The following CTNNAL1 variants were observed in gnomAD, a reference collection of about 807,000 sequenced individuals.
The protein encoded by CTNNAL1 is catenin alpha like 1, also known as alpha-catulin.
In CTNNAL1, 69 loss-of-function variants were observed where a neutral mutation model predicts 93.6. The observed-to-expected ratio is 0.74, with a 90% CI of 0.61 to 0.90. The LOEUF is 0.90. Among genes scored for constraint, CTNNAL1 ranks in the 40% least tolerant of loss-of-function variants. The probability of loss-of-function intolerance (pLI) is 0.00; values close to 1 mark genes in which losing one functional copy is unlikely to be tolerated. For synonymous variants in CTNNAL1, 286 were observed against 305.4 expected, an observed-to-expected ratio of 0.94 and a Z score of 0.66; for missense variants, 836 against 862.0, an observed-to-expected ratio of 0.97 and a Z score of 0.38.
chr9:108,989,756 G>A (rs754916581), intron 4 of CTNNAL1, among the ~76,000 whole-genome samples: 4 of 152,150 alleles, frequency 2.6e-5, no homozygotes, highest in Non-Finnish European at 5.9e-5. Flanking sequence ...AGACCCATAA[G>A]GAACTAATAT....
intron 6 of CTNNAL1, among the ~76,000 whole-genome samples, 153 bp downstream of exon 6, chr9:108,982,992 C>T (rs761209369): frequency 6.6e-6 from 1 of 152,096 alleles, no homozygotes; most frequent in South Asian, 2.1e-4. Context: ...GCACAAGAAT[C>T]GCTTGAACCC....
intron 11 of CTNNAL1, 22 bp from the exon 12 acceptor site, chr9:108,955,849 TA>T (rs764565695): frequency 1.3e-6 from 2 of 1,511,346 alleles, no homozygotes; most frequent in African/African-American, 2.8e-5. Flanking sequence ...ACATATAACT[TA>T]AAAAATTTTT....
intron 8 of CTNNAL1, 31 bp from the exon 9 acceptor site, chr9:108,972,864 G>GGCGCCCCCCCCCCC: frequency 1.4e-5 from 2 of 142,580 alleles, no homozygotes; most frequent in Non-Finnish European, 2.0e-5. Flanking sequence ...GGGGGGGTGG[G>GGCGCCCCCCCCCCC]AGGGTGGAGA....
intron 4 of CTNNAL1, among the ~76,000 whole-genome samples, chr9:108,987,192 A>T (rs1207561072): frequency 1.3e-5 from 2 of 151,948 alleles, no homozygotes; most frequent in African/African-American, 4.8e-5. Context: ...ATCCGTCTTG[A>T]ATTAATTTTT....
At chr9:108,980,293 T>C (rs759946045) in intron 6 of CTNNAL1, among the ~76,000 whole-genome samples, 3 of 152,140 alleles carry the variant, frequency 2.0e-5, no homozygotes, top group Non-Finnish European at 2.9e-5. Context: ...GCAGTCTTTC[T>C]CTCTCAGCTT....
At chr9:109,001,985 A>G (rs1826845772) in intron 1 of CTNNAL1, among the ~76,000 whole-genome samples, 1 of 152,236 alleles carries the variant, frequency 6.6e-6, no homozygotes, top group African/African-American at 2.4e-5. Context: ...GAGTGGCTGT[A>G]AAATCGGGCA....
chr9:108,952,790 G>C (rs543293131), intron 12 of CTNNAL1, among the ~76,000 whole-genome samples: 1 of 152,268 alleles, frequency 6.6e-6, no homozygotes, highest in South Asian at 2.1e-4. Context: ...AGGGACTCAA[G>C]ACAACTTCTG....
At chr9:108,950,664 C>T in intron 14 of CTNNAL1, 2 of 1,514,548 alleles carry the variant, frequency 1.3e-6, no homozygotes, top group Non-Finnish European at 1.8e-6. Flanking sequence ...TCACCTATCC[C>T]ATCCCATAAA....
intron 1 of CTNNAL1, among the ~76,000 whole-genome samples, chr9:109,005,723 G>A (rs2132216642): frequency 6.6e-6 from 1 of 152,276 alleles, no homozygotes; most frequent in East Asian, 1.9e-4. Flanking sequence ...ACAGATTAAG[G>A]TGATTCTGTT....
At chr9:108,943,117 T>C in intron 17 of CTNNAL1, 73 bp from the exon 18 acceptor site, 1 of 1,337,056 alleles carries the variant, frequency 7.5e-7, no homozygotes, top group Non-Finnish European at 1.0e-6. Context: ...TATTTAGTTT[T>C]AACATGATAA....
At chr9:108,957,867 T>C (rs1337209848) in intron 11 of CTNNAL1, among the ~76,000 whole-genome samples, 1 of 151,964 alleles carries the variant, frequency 6.6e-6, no homozygotes, top group East Asian at 1.9e-4. Flanking sequence ...CCTGTAATCT[T>C]GGCACTTTGG....
chr9:108,972,864 G>GGGGGGGGCCC, intron 8 of CTNNAL1, 31 bp from the exon 9 acceptor site: 18 of 142,468 alleles, frequency 1.3e-4, no homozygotes, highest in Non-Finnish European at 1.3e-4. Flanking sequence ...GGGGGGGTGG[G>GGGGGGGGCCC]AGGGTGGAGA....
At chr9:108,971,837 G>T (rs1831124720) in intron 9 of CTNNAL1, among the ~76,000 whole-genome samples, 1 of 152,168 alleles carries the variant, frequency 6.6e-6, no homozygotes, top group Non-Finnish European at 1.5e-5. Flanking sequence ...AAGCCTAACT[G>T]GAATTATAAC....
intron 1 of CTNNAL1, 133 bp downstream of exon 1, chr9:109,013,169 T>TC: frequency 8.6e-7 from 1 of 1,158,254 alleles, no homozygotes; most frequent in Non-Finnish European, 1.1e-6. Context: ...ACACAGGCGG[T>TC]CCGACAAGAA....
rs150349314 is a variant in CTNNAL1, at chr9:108,972,840, ATG to A, written c.1189-9_1189-8del. The A allele has an allele frequency of 0.014, 6,165 of 436,548 alleles. 271 individuals carry two copies. In the African/African-American group the frequency reaches 0.16, roughly 11 times the overall value. 27.0% of individuals were successfully genotyped at this position (436,548 alleles called of 1,614,324 possible). On this transcript the variant is annotated splice_region_variant and splice_polypyrimidine_tract_variant and intron_variant, in intron 8 of 18. Transcript: ENST00000325551. ...GTGTCGCTGTACTATGAAGCTGCAG[ATG>A]TGTGTGTGGGTGGGGGGGTGGGAGG...
intron 1 of CTNNAL1, among the ~76,000 whole-genome samples, chr9:109,010,999 A>G (rs1201141495): frequency 1.3e-5 from 2 of 152,260 alleles, no homozygotes; most frequent in Admixed American, 6.5e-5. Flanking sequence ...AGCAACAAAT[A>G]AGCACACAAT....
intron 1 of CTNNAL1, among the ~76,000 whole-genome samples, chr9:108,999,896 A>G (rs1474533697): frequency 3.9e-5 from 6 of 152,250 alleles, no homozygotes; most frequent in African/African-American, 1.4e-4. Flanking sequence ...TGAAACAAAC[A>G]TAATTCTTCA....
chr9:108,982,400 T>C (rs1288234288), intron 6 of CTNNAL1, among the ~76,000 whole-genome samples: 1 of 152,214 alleles, frequency 6.6e-6, no homozygotes, highest in Admixed American at 6.5e-5. Context: ...AAATTTTAAT[T>C]ATTACTAATA....
At chr9:109,002,885 C>T (rs549064767) in intron 1 of CTNNAL1, among the ~76,000 whole-genome samples, 79 of 151,732 alleles carry the variant, frequency 5.2e-4, no homozygotes, top group Non-Finnish European at 8.5e-4. Context: ...CCCAGCTTCT[C>T]GAGAGGCTGA....
Sources: allele counts gnomAD v4.1 joint callset (sites outside exome capture counted in the v4.1 genomes callset), GRCh38; gene constraint gnomAD v4.1.1; transcripts MANE v1.5; gene names NCBI Gene and HGNC (gene_info 2026-07-23, HGNC 2026-07-21).